PCDHGB6: variants seen among roughly 807,000 people sequenced by gnomAD.
PCDHGB6 encodes the protein protocadherin gamma-B6.
Under a neutral mutation model 59.1 loss-of-function variants are expected in PCDHGB6, and 51 were observed. The ratio of observed to expected loss-of-function variants is 0.86; its 90% CI spans 0.69 to 1.09. The LOEUF (loss-of-function observed/expected upper bound fraction) is 1.09, where lower values mean the gene tolerates loss of function less well. Among genes scored for constraint, PCDHGB6 ranks in the 50% least tolerant of loss-of-function variants. PCDHGB6 has a pLI of 0.00. For missense variants in PCDHGB6, 1,148 were observed against 1,205.1 expected (o/e 0.95, Z 0.70); for synonymous variants, 466 against 495.1 (o/e 0.94, Z 0.78).
chr5:141,484,757 T>C (rs2099600412), intron 1 of PCDHGB6, among the ~76,000 whole-genome samples: 1 of 151,626 alleles, frequency 6.6e-6, no homozygotes, highest in East Asian at 1.9e-4. Flanking sequence ...AATGTATATA[T>C]ATATATATGT....
chr5:141,432,126 C>T lies in PCDHGB6; in HGVS notation c.2418+21506C>T. ...AACCCGCCGGTCTTCCCTCAGGCCTCCTATTCCGCTTATATCCCAGAGAAC... is the reference window on the plus strand; with the variant it reads ...AACCCGCCGGTCTTCCCTCAGGCCTTCTATTCCGCTTATATCCCAGAGAAC... On this transcript the variant is annotated intron_variant, in intron 1 of 3. Coordinates refer to ENST00000520790, the MANE Select transcript of PCDHGB6 (RefSeq NM_018926.3). This position sits in a 1 kb window ranked among gnomAD's most constrained non-coding sequence, Gnocchi z 6.0. The T allele has an allele frequency of 1.2e-6, 2 of 1,614,144 alleles. No homozygotes were observed. Among genetic ancestry groups the T allele is most frequent in the Non-Finnish European group, 1.7e-6 (2 of 1,180,028 alleles).
rs775331499 is a variant in PCDHGB6 at position 141,422,779 on chromosome 5, C to T, written c.2418+12159C>T. The T allele has an allele frequency of 8.7e-6, 14 of 1,614,070 alleles. No homozygotes were observed. In the East Asian group the frequency reaches 2.9e-4, roughly 33 times the overall value. ...CTCCAACACTGGTGTTCTCTATGCC[C>T]TACAATCCTTCGACTATGAGCAGTT... On this transcript the variant is annotated intron_variant, in intron 1 of 3. Transcript: ENST00000520790.
intron 1 of PCDHGB6, among the ~76,000 whole-genome samples, chr5:141,474,763 A>G (rs2099354251): frequency 6.6e-6 from 1 of 152,254 alleles, no homozygotes; most frequent in Non-Finnish European, 1.5e-5. Flanking sequence ...ATATACAGAA[A>G]TAGTATGAGG....
intron 1 of PCDHGB6, among the ~76,000 whole-genome samples, chr5:141,461,805 C>T (rs773854105): frequency 4.6e-5 from 7 of 151,854 alleles, no homozygotes; most frequent in Non-Finnish European, 8.8e-5. Flanking sequence ...AGGTGCCCAC[C>T]ACCACACCCA....
intron 2 of PCDHGB6, among the ~76,000 whole-genome samples, chr5:141,495,407 C>T: frequency 6.6e-6 from 1 of 152,218 alleles, no homozygotes; most frequent in East Asian, 1.9e-4. Flanking sequence ...AGGCCCCCTT[C>T]TCCGGCCCCT....
intron 1 of PCDHGB6, chr5:141,419,616 A>G (rs1291494618): frequency 6.2e-7 from 1 of 1,612,086 alleles, no homozygotes; most frequent in African/African-American, 1.3e-5. Flanking sequence ...CAGCCAGGCT[A>G]CCTGGTGACC....
intron 1 of PCDHGB6, among the ~76,000 whole-genome samples, chr5:141,464,162 G>A (rs1030872607): frequency 6.6e-6 from 1 of 151,946 alleles, no homozygotes; most frequent in African/African-American, 2.4e-5. Context: ...CTACTTGGAA[G>A]GCTGAGGCAG....
rs576318312 is a variant in PCDHGB6, at chr5:141,410,171, A to G, written c.1969A>G (p.Thr657Ala). The change falls in exon 1 of 4, where the codon ACC (threonine) becomes GCC (alanine). Residue 657 changes from threonine to alanine, a missense_variant. Coordinates refer to ENST00000520790, the MANE Select transcript of PCDHGB6 (RefSeq NM_018926.3). ...CGGTGGACAGCCGCCACTCTCTGCCACCGCCACGCTTCATCTGGTCTTCGC... is the reference window on the plus strand; with the variant it reads ...CGGTGGACAGCCGCCACTCTCTGCCGCCGCCACGCTTCATCTGGTCTTCGC... ...RDGGQPPLSA[T>A]ATLHLVFADN... 181 of 1,613,780 alleles carry G rather than the reference A, an allele frequency of 1.1e-4. 1 individual carries two copies. The East Asian group carries it at 4.0e-3, about 36-fold the overall frequency.
At chr5:141,459,315 T>C (rs2154566534) in intron 1 of PCDHGB6, among the ~76,000 whole-genome samples, 1 of 152,362 alleles carries the variant, frequency 6.6e-6, no homozygotes, top group East Asian at 1.9e-4. Context: ...CTATTTTGTA[T>C]CCATCTTCTT....
chr5:141,441,036 A>G (rs2098219746), intron 1 of PCDHGB6: 1 of 152,216 alleles, frequency 6.6e-6, no homozygotes, highest in South Asian at 2.1e-4. Context: ...TGAAAACTTT[A>G]AGTACATTGG....
intron 2 of PCDHGB6, among the ~76,000 whole-genome samples, chr5:141,503,324 C>T (rs1389385473): frequency 7.9e-5 from 12 of 152,014 alleles, no homozygotes; most frequent in South Asian, 2.1e-4. Context: ...TGGAGGGGCG[C>T]GGTGGCTCAC....
intron 1 of PCDHGB6, chr5:141,422,231 T>A: frequency 3.2e-6 from 5 of 1,566,292 alleles, no homozygotes; most frequent in Non-Finnish European, 4.3e-6. Context: ...ACGACGATGT[T>A]GATCACTGTT....
In PCDHGB6 at chr5:141,423,579, G is replaced by A. The variant is rs760902886; in HGVS notation, c.2418+12959G>A. 6 of 1,613,378 alleles carry A rather than the reference G, an allele frequency of 3.7e-6. No homozygotes were observed. In the East Asian group the frequency reaches 1.3e-4, roughly 36 times the overall value. ...ATGGGGACACGCTCATCAGCCAGGA[G>A]AGCTGTGAGAAAAGCGAGCCACTCT... On this transcript the variant is annotated intron_variant, in intron 1 of 3. Transcript: ENST00000520790.
intron 1 of PCDHGB6, among the ~76,000 whole-genome samples, chr5:141,458,821 C>T (rs1220034390): frequency 6.6e-6 from 1 of 152,146 alleles, no homozygotes; most frequent in Non-Finnish European, 1.5e-5. Flanking sequence ...CAACCTCTGC[C>T]TCCCAGGCTC....
Position 141,497,143 on chromosome 5 carries a change from G to GA in PCDHGB6, c.2477+2287dup, listed in dbSNP as rs928640875. ...AGAGGTTGCAGTGAGCTGAGATCAC[G>GA]AAAAAAAAATAATCTAGCCACAAAT... On this transcript the variant is annotated intron_variant, in intron 2 of 3. Coordinates refer to ENST00000520790, the MANE Select transcript of PCDHGB6 (RefSeq NM_018926.3). 1.3e-3 allele frequency among the ~76,000 whole-genome samples: 194 copies of GA among 150,104 alleles called. 4 individuals are homozygous for GA. The highest frequency in any genetic ancestry group is 7.6e-3 in the Admixed American group (115 of 15,100).
chr5:141,414,526 G>T, intron 1 of PCDHGB6: 1 of 1,613,912 alleles, frequency 6.2e-7, no homozygotes, highest in Non-Finnish European at 8.5e-7. Flanking sequence ...AGATATCAAT[G>T]ACAACCCACC....
intron 2 of PCDHGB6, among the ~76,000 whole-genome samples, chr5:141,504,909 G>C (rs948719729): frequency 6.6e-6 from 1 of 152,002 alleles, no homozygotes; most frequent in Non-Finnish European, 1.5e-5. Context: ...ACTATGACAG[G>C]AAGCCAGGCT....
chr5:141,499,921 C>A, intron 2 of PCDHGB6, among the ~76,000 whole-genome samples: 1 of 152,128 alleles, frequency 6.6e-6, no homozygotes, highest in Middle Eastern at 3.2e-3. Context: ...CTCCTGGCCT[C>A]AAGTGATCCA....
Position 141,490,350 on chromosome 5 carries a change from G to T in PCDHGB6, c.2419-4457G>T. On this transcript the variant is annotated intron_variant, in intron 1 of 3. Transcript: ENST00000520790. This position sits in a 1 kb window ranked among gnomAD's most constrained non-coding sequence, Gnocchi z 5.4. Reference sequence around the variant, plus strand: ...GCACACCAGTGGGCACAGTAGTGGGGTTGTTTAATGTGCGAGACCGGGACT... The same window carrying T: ...GCACACCAGTGGGCACAGTAGTGGGTTTGTTTAATGTGCGAGACCGGGACT... 2 of 1,614,204 alleles carry T rather than the reference G, an allele frequency of 1.2e-6. No homozygotes were observed. The highest frequency in any genetic ancestry group is 1.7e-6 in the Non-Finnish European group (2 of 1,180,034).
Sources: allele counts gnomAD v4.1 joint callset (sites outside exome capture counted in the v4.1 genomes callset), GRCh38; gene constraint gnomAD v4.1.1; non-coding constraint Gnocchi (gnomAD v3.1); transcripts MANE v1.5; gene names NCBI Gene and HGNC (gene_info 2026-07-23, HGNC 2026-07-21).